The following EEA1 variants were observed in gnomAD, a reference collection of about 807,000 sequenced individuals.
EEA1 encodes early endosome antigen 1, also known as early endosome antigen 1, 162kD.
A neutral mutation model predicts 209.2 loss-of-function variants in EEA1; 111 were observed. That is an observed-to-expected ratio of 0.53 (90% CI 0.45 to 0.62). The LOEUF is 0.62. EEA1 is among the 20% of genes least tolerant of loss of function. EEA1 has a pLI of 0.00. For missense variants in EEA1, 1,343 were observed against 1,530.8 expected (o/e 0.88, Z 2.05); for synonymous variants, 536 against 540.6 (o/e 0.99, Z 0.12).
In EEA1 at chr12:92,773,561, A is replaced by G. The variant is rs1192484356; in HGVS notation, c.*2450T>C. 6.6e-6 allele frequency: 1 copy of G among 151,966 alleles called. No individual in the cohort carries two copies. Among genetic ancestry groups the G allele is most frequent in the Non-Finnish European group, 1.5e-5 (1 of 67,638 alleles). 9.4% of individuals were successfully genotyped at this position (151,966 alleles called of 1,614,324 possible). On this transcript the variant is annotated 3_prime_UTR_variant, in exon 29 of 29. Transcript: ENST00000322349. Reference sequence around the variant, plus strand: ...ATTGTACACTAACCCAGCAAGACTTAATTTTAACTCACATTCTGTGCCGGG... The same window carrying G: ...ATTGTACACTAACCCAGCAAGACTTGATTTTAACTCACATTCTGTGCCGGG...
chr12:92,895,796 T>G (rs1013740697), intron 1 of EEA1, among the ~76,000 whole-genome samples: 5 of 152,114 alleles, frequency 3.3e-5, no homozygotes, highest in African/African-American at 1.2e-4. Flanking sequence ...TAGATGTGAT[T>G]AAGAACATTT....
At chr12:92,824,822 C>T (rs547088129) in intron 13 of EEA1, among the ~76,000 whole-genome samples, 1 of 152,338 alleles carries the variant, frequency 6.6e-6, no homozygotes, top group East Asian at 1.9e-4. Flanking sequence ...TCACTAAGCT[C>T]CATGAGAGCA....
intron 2 of EEA1, among the ~76,000 whole-genome samples, chr12:92,889,468 C>A: frequency 6.9e-6 from 1 of 145,278 alleles, no homozygotes. Flanking sequence ...AAAATATAAC[C>A]AAAATAATTC....
In EEA1 at chr12:92,819,311, C is replaced by T. The variant is rs1565821135; in HGVS notation, c.1725G>A (p.Glu575=). The T allele has an allele frequency of 6.2e-7, 1 of 1,604,632 alleles. No homozygotes were observed. Among genetic ancestry groups the T allele is most frequent in the East Asian group, 2.2e-5 (1 of 44,682 alleles). Residue 575 remains glutamate (E), a synonymous_variant, in exon 14 of 29, where the codon GAG becomes GAA. Transcript: ENST00000322349. ...QLQEKNHTLQ[E]QVTQLTEKLK... The stretch of plus-strand genomic sequence containing the variant: ...ATAATATATTTTACAAGCTTACTTG[C>T]TCCTGTAGTGTATGGTTTTTTTCTT...
intron 2 of EEA1, among the ~76,000 whole-genome samples, chr12:92,869,988 C>T (rs547334369): frequency 2.6e-5 from 4 of 152,174 alleles, no homozygotes; most frequent in African/African-American, 7.2e-5. Flanking sequence ...CCTACATGCA[C>T]CCATTTTCTC....
chr12:92,835,884 A>C (rs756219790), intron 10 of EEA1, among the ~76,000 whole-genome samples: 7 of 152,202 alleles, frequency 4.6e-5, no homozygotes, highest in African/African-American at 7.2e-5. Context: ...AAAAGAATCT[A>C]ATCCACTCAC....
chr12:92,795,270 C>A (rs1292541294), intron 21 of EEA1, among the ~76,000 whole-genome samples: 1 of 152,166 alleles, frequency 6.6e-6, no homozygotes, highest in African/African-American at 2.4e-5. Flanking sequence ...TTAGAAAATA[C>A]CAACATCAAC....
At chr12:92,831,722 AC>A in intron 11 of EEA1, among the ~76,000 whole-genome samples, 1 of 150,364 alleles carries the variant, frequency 6.7e-6, no homozygotes, top group Admixed American at 6.6e-5. Flanking sequence ...GGGCTGATTC[AC>A]TTTCTACAAA....
At chr12:92,815,721 T>A (rs914643405) in intron 15 of EEA1, among the ~76,000 whole-genome samples, 2 of 152,098 alleles carry the variant, frequency 1.3e-5, no homozygotes, top group Non-Finnish European at 1.5e-5. Context: ...ATTTTTTTTT[T>A]AATCAGAAGT....
intron 1 of EEA1, among the ~76,000 whole-genome samples, chr12:92,926,894 A>G (rs530284206): frequency 4.6e-5 from 7 of 151,996 alleles, no homozygotes; most frequent in Non-Finnish European, 7.4e-5. Context: ...TCATTATTCT[A>G]TTACATAGCA....
intron 1 of EEA1, among the ~76,000 whole-genome samples, chr12:92,896,791 G>A (rs1421410922): frequency 1.3e-5 from 2 of 151,550 alleles, no homozygotes; most frequent in Admixed American, 1.3e-4. Flanking sequence ...GAAAAAAAAA[G>A]AAATTGACAC....
intron 1 of EEA1, among the ~76,000 whole-genome samples, 186 bp from the exon 2 acceptor site, chr12:92,891,907 TTC>T (rs1184791626): frequency 6.6e-6 from 1 of 152,162 alleles, no homozygotes; most frequent in Non-Finnish European, 1.5e-5. Flanking sequence ...ATATATGCAT[TTC>T]TCTCATTTTA....
intron 1 of EEA1, among the ~76,000 whole-genome samples, chr12:92,898,680 A>G (rs1416602251): frequency 6.7e-6 from 1 of 148,688 alleles, no homozygotes; most frequent in Non-Finnish European, 1.5e-5. Flanking sequence ...AAAAAAGAAG[A>G]AGGAACATTA....
chr12:92,796,914 A>T (rs1874677758), intron 21 of EEA1, among the ~76,000 whole-genome samples: 1 of 152,224 alleles, frequency 6.6e-6, no homozygotes, highest in Admixed American at 6.5e-5. Context: ...AAGATGAATC[A>T]TTTCTCTATG....
chr12:92,869,790 G>GAAAAAAAAAAAAAAAA (rs1230847458), intron 2 of EEA1, among the ~76,000 whole-genome samples: 12 of 69,052 alleles, frequency 1.7e-4, no homozygotes, highest in Non-Finnish European at 2.9e-4. Context: ...AAAAAAAAAG[G>GAAAAAAAAAAAAAAAA]AAAGCCCTTA....
At chr12:92,868,297 C>T (rs924382677) in intron 2 of EEA1, among the ~76,000 whole-genome samples, 1 of 152,200 alleles carries the variant, frequency 6.6e-6, no homozygotes, top group Non-Finnish European at 1.5e-5. Context: ...AGATCTCCTA[C>T]CCACTGTTGT....
At chr12:92,835,293 A>C (rs927228736) in intron 10 of EEA1, 3 of 219,924 alleles carry the variant, frequency 1.4e-5, no homozygotes, top group Non-Finnish European at 2.8e-5. Context: ...AATATGCTAC[A>C]AAAATTAAGG....
At chr12:92,852,826 A>G (rs1592737157) in intron 7 of EEA1, 86 bp downstream of exon 7, 2 of 893,310 alleles carry the variant, frequency 2.2e-6, no homozygotes, top group South Asian at 3.3e-5. Context: ...TTAACACACT[A>G]AAATACTATA....
chr12:92,845,893 GATA>G (rs2136704477), intron 9 of EEA1, among the ~76,000 whole-genome samples: 1 of 152,182 alleles, frequency 6.6e-6, no homozygotes, highest in South Asian at 2.1e-4. Context: ...CCTCCAAAGA[GATA>G]ATAGATATTT....
Sources: gnomAD v4.1 joint callset for allele counts (sites outside exome capture counted in the v4.1 genomes callset) on GRCh38, gnomAD v4.1.1 for gene constraint, MANE v1.5 for transcripts, NCBI Gene and HGNC (gene_info 2026-07-23, HGNC 2026-07-21) for gene names.